EPHA6: variants seen among roughly 807,000 people sequenced by gnomAD.
EPHA6 encodes EPH receptor A6, also known as ephrin type-A receptor 6.
EPHA6 carries 50 observed loss-of-function variants against 112.0 expected under a neutral mutation model. That is an observed-to-expected ratio of 0.45 (90% confidence interval 0.36 to 0.56). EPHA6 has a LOEUF of 0.56. EPHA6 is among the 20% of genes least tolerant of loss of function. The probability of loss-of-function intolerance (pLI) is 0.00; values close to 1 mark genes in which losing one functional copy is unlikely to be tolerated. For synonymous variants in EPHA6, 529 were observed against 490.7 expected, an observed-to-expected ratio of 1.08 and a Z score of -1.03; for missense variants, 1,280 against 1,417.4, an observed-to-expected ratio of 0.90 and a Z score of 1.56.
intron 2 of EPHA6, among the ~76,000 whole-genome samples, chr3:96,926,589 G>A (rs537776215): frequency 3.7e-4 from 56 of 152,218 alleles, no homozygotes; most frequent in Non-Finnish European, 5.9e-4. Flanking sequence ...TGGGGGCACA[G>A]GTATTGGATA....
intron 3 of EPHA6, among the ~76,000 whole-genome samples, chr3:97,157,031 T>C (rs2076304356): frequency 6.6e-6 from 1 of 152,108 alleles, no homozygotes; most frequent in Non-Finnish European, 1.5e-5. Flanking sequence ...TGAAGAAGAG[T>C]AGAGCTTATT....
intron 4 of EPHA6, among the ~76,000 whole-genome samples, chr3:97,227,413 G>T (rs1285551302): frequency 6.6e-6 from 1 of 152,052 alleles, no homozygotes; most frequent in African/African-American, 2.4e-5. Context: ...TAGAGATGGG[G>T]TTTCACCATG....
At chr3:97,147,092 T>C (rs539061977) in intron 3 of EPHA6, among the ~76,000 whole-genome samples, 1 of 152,134 alleles carries the variant, frequency 6.6e-6, no homozygotes, top group African/African-American at 2.4e-5. Context: ...AGCATTTTCC[T>C]CCTTTACCTA....
At chr3:97,738,354 C>T in intron 16 of EPHA6, among the ~76,000 whole-genome samples, 1 of 151,768 alleles carries the variant, frequency 6.6e-6, no homozygotes, top group South Asian at 2.1e-4. Flanking sequence ...TAATCTGGGC[C>T]CCTTGTTGTG....
At chr3:97,477,229 C>T (rs922662244) in intron 8 of EPHA6, among the ~76,000 whole-genome samples, 1 of 152,152 alleles carries the variant, frequency 6.6e-6, no homozygotes, top group Non-Finnish European at 1.5e-5. Context: ...ATGTTCAACA[C>T]TGCAGCTTAT....
intron 6 of EPHA6, among the ~76,000 whole-genome samples, chr3:97,413,786 G>A (rs2087907288): frequency 6.6e-6 from 1 of 151,870 alleles, no homozygotes; most frequent in Non-Finnish European, 1.5e-5. Context: ...CCCAAATGAT[G>A]AAGGACTAAA....
At chr3:97,103,499 G>A (rs968006568) in intron 3 of EPHA6, among the ~76,000 whole-genome samples, 2 of 152,042 alleles carry the variant, frequency 1.3e-5, no homozygotes, top group African/African-American at 4.8e-5. Context: ...TGGTCTATGT[G>A]TCTGTTGTTG....
chr3:96,825,914 A>C (rs1437892590), intron 1 of EPHA6, among the ~76,000 whole-genome samples: 2 of 151,860 alleles, frequency 1.3e-5, no homozygotes, highest in Non-Finnish European at 2.9e-5. Flanking sequence ...TATTTTGGTA[A>C]AAATGATGAC....
At chr3:97,449,219 T>G (rs1202395051) in intron 7 of EPHA6, among the ~76,000 whole-genome samples, 1 of 152,110 alleles carries the variant, frequency 6.6e-6, no homozygotes, top group African/African-American at 2.4e-5. Flanking sequence ...GACCTCAACA[T>G]GCTGAAAACC....
At chr3:97,615,338 A>G (rs978426832) in intron 13 of EPHA6, among the ~76,000 whole-genome samples, 1 of 152,148 alleles carries the variant, frequency 6.6e-6, no homozygotes, top group African/African-American at 2.4e-5. Context: ...GCCGATTCAC[A>G]GAGTCCTGGG....
intron 9 of EPHA6, among the ~76,000 whole-genome samples, chr3:97,480,351 C>T (rs1456243402): frequency 1.3e-5 from 2 of 151,932 alleles, no homozygotes; most frequent in African/African-American, 4.8e-5. Flanking sequence ...CAAGGGTTCT[C>T]TGGTTTTCCT....
chr3:97,327,969 A>ATG (rs1559887779), intron 5 of EPHA6, among the ~76,000 whole-genome samples: 11 of 140,008 alleles, frequency 7.9e-5, no homozygotes, highest in African/African-American at 1.8e-4. Context: ...GTGTATATAT[A>ATG]TGTATATGTG....
At chr3:97,205,517 C>A (rs2077692342) in intron 3 of EPHA6, among the ~76,000 whole-genome samples, 3 of 151,880 alleles carry the variant, frequency 2.0e-5, no homozygotes, top group Admixed American at 2.0e-4. Flanking sequence ...TTTTTTTCAA[C>A]CAAACACAGC....
intron 3 of EPHA6, among the ~76,000 whole-genome samples, chr3:97,068,165 G>GAAAAAAAAAAAAAAAAAAAAAAAAAAA (rs75312712): frequency 1.4e-5 from 1 of 69,626 alleles, no homozygotes. Flanking sequence ...AAAAAAAAAA[G>GAAAAAAAAAAAAAAAAAAAAAAAAAAA]AAAAAAAAAA....
chr3:96,924,416 G>A (rs1476979492), intron 2 of EPHA6, among the ~76,000 whole-genome samples: 4 of 152,080 alleles, frequency 2.6e-5, no homozygotes, highest in Non-Finnish European at 5.9e-5. Flanking sequence ...GTTGTGAATG[G>A]GAGTTCATTC....
At chr3:96,884,477 T>A (rs1054614674) in intron 2 of EPHA6, among the ~76,000 whole-genome samples, 10 of 152,194 alleles carry the variant, frequency 6.6e-5, no homozygotes, top group African/African-American at 2.2e-4. Context: ...TATTATTATT[T>A]TTTGCAGCTA....
intron 2 of EPHA6, among the ~76,000 whole-genome samples, chr3:96,955,925 A>T (rs1170595414): frequency 6.6e-6 from 1 of 152,224 alleles, no homozygotes; most frequent in East Asian, 1.9e-4. Flanking sequence ...GAAGAAATCA[A>T]CTGAGAAATC....
chr3:96,942,447 A>T (rs1325486017), intron 2 of EPHA6, among the ~76,000 whole-genome samples: 2 of 90,962 alleles, frequency 2.2e-5, no homozygotes, highest in East Asian at 7.7e-4. Context: ...CTGTGCTGTT[A>T]TTTTAAGCCC....
At chr3:96,875,860 T>G (rs2036912628) in intron 2 of EPHA6, among the ~76,000 whole-genome samples, 1 of 151,730 alleles carries the variant, frequency 6.6e-6, no homozygotes. Context: ...TTATCTTTAT[T>G]TTTTTCATTG....
Sources: allele counts gnomAD v4.1 joint callset (sites outside exome capture counted in the v4.1 genomes callset), GRCh38; gene constraint gnomAD v4.1.1; transcripts MANE v1.5; gene names NCBI Gene and HGNC (gene_info 2026-07-23, HGNC 2026-07-21).